The following CSMD1 variants were observed in gnomAD, a reference collection of about 807,000 sequenced individuals.
CSMD1 encodes CUB and sushi domain-containing protein 1.
In CSMD1, 213 loss-of-function variants were observed where a neutral mutation model predicts 417.5. That is an observed-to-expected ratio of 0.51 (90% CI 0.46 to 0.57). The LOEUF (loss-of-function observed/expected upper bound fraction) is 0.57, where lower values mean the gene tolerates loss of function less well. Ranked by LOEUF, CSMD1 falls within the 20% of genes least tolerant of loss-of-function variation. The pLI, the probability that CSMD1 is intolerant of heterozygous loss-of-function variation, is 0.00. For missense variants in CSMD1, 6,923 were observed against 4,529.7 expected (o/e 1.53, Z -15.17); for synonymous variants, 2,862 against 1,736.8 (o/e 1.65, Z -16.11).
At chr8:3,495,312 T>C (rs1001827464) in intron 10 of CSMD1, among the ~76,000 whole-genome samples, 3 of 152,210 alleles carry the variant, frequency 2.0e-5, no homozygotes, top group Non-Finnish European at 2.9e-5. Context: ...CTTTCCGACA[T>C]GTTAACTCAG....
intron 20 of CSMD1, among the ~76,000 whole-genome samples, chr8:3,363,093 G>T (rs77890970): frequency 6.6e-6 from 1 of 152,156 alleles, no homozygotes; most frequent in African/African-American, 2.4e-5. Flanking sequence ...GTGCCCCTCT[G>T]CTTTATCCTA....
intron 1 of CSMD1, among the ~76,000 whole-genome samples, chr8:4,758,871 T>A (rs576939686): frequency 6.6e-6 from 1 of 152,218 alleles, no homozygotes; most frequent in South Asian, 2.1e-4. Flanking sequence ...ATTCACAAAG[T>A]GATTTGGGTG....
Position 3,854,468 on chromosome 8 carries a change from C to T in CSMD1, c.819-100426G>A, listed in dbSNP as rs183762185. On this transcript the variant is annotated intron_variant, in intron 5 of 69. Transcript: ENST00000635120. Reference sequence around the variant, plus strand: ...TACAACTTCAAAATTACTTGGCACACGTTATAGCTGTATTAACTTTTGAGA... The same window carrying T: ...TACAACTTCAAAATTACTTGGCACATGTTATAGCTGTATTAACTTTTGAGA... 7.2e-5 allele frequency among the ~76,000 whole-genome samples: 11 copies of T among 152,168 alleles called. No individual in the cohort carries two copies. The East Asian group carries it at 1.2e-3, about 16-fold the overall frequency.
Position 4,994,393 on chromosome 8 carries a change from C to A in CSMD1, c.24G>T (p.Gln8His). The change falls in exon 1 of 70, where the codon CAG (glutamine) becomes CAT (histidine). Residue 8 changes from glutamine (Q) to histidine (H), a missense_variant. Physicochemically the swap from Gln to His is conservative, Grantham distance 24. Coordinates refer to ENST00000635120, the MANE Select transcript of CSMD1 (RefSeq NM_033225.6). The part of the protein sequence containing the change: MTAWRRF[Q>H]SLLLLLGLLV... ...GCAGCCCGAGAAGCAGGAGCAGCGA[C>A]TGGAATCTCCTCCACGCAGTCATGT... 2 of 1,612,376 alleles carry A rather than the reference C, an allele frequency of 1.2e-6. No individual in the cohort carries two copies. The highest frequency in any genetic ancestry group is 1.7e-6 in the Non-Finnish European group (2 of 1,179,836).
At chr8:4,110,038 G>A (rs774098148) in intron 3 of CSMD1, among the ~76,000 whole-genome samples, 4 of 152,130 alleles carry the variant, frequency 2.6e-5, no homozygotes, top group African/African-American at 4.8e-5. Context: ...ACTGTGCCCA[G>A]GCTAGACTGA....
intron 23 of CSMD1, among the ~76,000 whole-genome samples, chr8:3,313,447 T>C (rs1805510082): frequency 1.3e-5 from 2 of 151,974 alleles, no homozygotes; most frequent in Non-Finnish European, 2.9e-5. Flanking sequence ...AAAAAGTGGG[T>C]GAAGGATGTG....
chr8:4,053,991 A>G (rs777785850), intron 3 of CSMD1, among the ~76,000 whole-genome samples: 2 of 152,208 alleles, frequency 1.3e-5, no homozygotes, highest in Admixed American at 6.6e-5. Context: ...GAAGTTAAGA[A>G]CCTGAGATGT....
intron 26 of CSMD1, among the ~76,000 whole-genome samples, chr8:3,253,661 T>G (rs562064644): frequency 1.5e-3 from 232 of 152,256 alleles, no homozygotes; most frequent in African/African-American, 5.2e-3. Flanking sequence ...TGTGTGGGAG[T>G]CTAAGTCTCT....
chr8:3,947,648 T>C (rs1811323248), intron 5 of CSMD1, among the ~76,000 whole-genome samples: 1 of 152,204 alleles, frequency 6.6e-6, no homozygotes, highest in Non-Finnish European at 1.5e-5. Context: ...CTGTTATCAA[T>C]TTACAGTTTA....
intron 6 of CSMD1, among the ~76,000 whole-genome samples, chr8:3,711,879 A>T (rs1421154132): frequency 6.6e-6 from 1 of 152,200 alleles, no homozygotes; most frequent in Non-Finnish European, 1.5e-5. Context: ...CGCAAATGTC[A>T]CTCACCCTAA....
chr8:4,519,671 AGGCAGAGGT>A (rs1426181085), intron 2 of CSMD1, among the ~76,000 whole-genome samples: 2 of 140,796 alleles, frequency 1.4e-5, no homozygotes, highest in Non-Finnish European at 3.0e-5. Context: ...TGAACCCAGG[AGGCAGAGGT>A]TACAGTGAGC....
At chr8:3,317,146 G>T (rs541620626) in intron 23 of CSMD1, among the ~76,000 whole-genome samples, 28 of 152,148 alleles carry the variant, frequency 1.8e-4, no homozygotes, top group Middle Eastern at 3.4e-3. Flanking sequence ...GAGGGAGGAA[G>T]AGGAGAATCA....
chr8:3,238,991 A>C (rs1799326732), intron 26 of CSMD1, among the ~76,000 whole-genome samples: 1 of 152,136 alleles, frequency 6.6e-6, no homozygotes, highest in Non-Finnish European at 1.5e-5. Context: ...GGGCACAGTC[A>C]AAGTTGGTGT....
intron 3 of CSMD1, among the ~76,000 whole-genome samples, chr8:4,308,254 G>T (rs949143974): frequency 4.6e-5 from 7 of 151,502 alleles, no homozygotes; most frequent in Admixed American, 4.6e-4. Context: ...TTTTTTTTAT[G>T]TGTGTGTGTG....
chr8:3,586,260 C>T lies in CSMD1; in HGVS notation c.1098G>A (p.Arg366=), dbSNP rs1172892920. The T allele has an allele frequency of 1.3e-6, 2 of 1,557,812 alleles. No homozygotes were observed. Among genetic ancestry groups the T allele is most frequent in the East Asian group, 2.3e-5 (1 of 44,260 alleles). ...ENGRRAGSDF[R]VGANVQFSCE... ...ATGAAAACTGTACATTTGCACCAAC[C>T]CTAAGCCGTTAAAAAAGAAAAAAAA... Residue 366 remains arginine, a splice_region_variant and synonymous_variant, in exon 9 of 70, where the codon AGG becomes AGA. Coordinates refer to ENST00000635120, the MANE Select transcript of CSMD1 (RefSeq NM_033225.6).
chr8:4,935,341 G>C (rs556448458), intron 1 of CSMD1, among the ~76,000 whole-genome samples: 13 of 152,268 alleles, frequency 8.5e-5, no homozygotes, highest in Admixed American at 1.3e-4. Context: ...GCGCCCTCTG[G>C]GTGGAGACAT....
intron 7 of CSMD1, among the ~76,000 whole-genome samples, chr8:3,678,331 G>C (rs7016549): frequency 1.3e-5 from 2 of 151,960 alleles, no homozygotes; most frequent in African/African-American, 4.8e-5. Flanking sequence ...CCAATGCAGA[G>C]AAGTCTTTAA....
At chr8:4,259,890 C>T (rs954260089) in intron 3 of CSMD1, among the ~76,000 whole-genome samples, 1 of 152,088 alleles carries the variant, frequency 6.6e-6, no homozygotes, top group Non-Finnish European at 1.5e-5. Flanking sequence ...TTATTTTTTG[C>T]TACCGCATAG....
chr8:4,078,283 C>A lies in CSMD1; in HGVS notation c.416-46184G>T, dbSNP rs184767582. 4.7e-3 allele frequency among the ~76,000 whole-genome samples: 703 copies of A among 150,840 alleles called. 7 individuals carry two copies. The highest frequency in any genetic ancestry group is 0.016 in the South Asian group (76 of 4,744). The stretch of plus-strand genomic sequence containing the variant: ...CTATGCATTGATAATGCAGACCTAA[C>A]TGTGCCATAATGATGAGTTTGATAT... On this transcript the variant is annotated intron_variant, in intron 3 of 69. Transcript: ENST00000635120.
Sources: gnomAD v4.1 joint callset for allele counts (sites outside exome capture counted in the v4.1 genomes callset) on GRCh38, gnomAD v4.1.1 for gene constraint, MANE v1.5 for transcripts, NCBI Gene and HGNC (gene_info 2026-07-23, HGNC 2026-07-21) for gene names.